The following FHIT variants were observed in gnomAD, a reference collection of about 807,000 sequenced individuals.
FHIT encodes the protein fragile histidine triad diadenosine triphosphatase, also known as bis(5'-adenosyl)-triphosphatase.
FHIT carries 19 observed loss-of-function variants against 17.9 expected under a neutral mutation model. That is an observed-to-expected ratio of 1.06 (90% CI 0.74 to 1.56). The LOEUF is 1.56. FHIT is among the 40% of genes most tolerant of loss of function. FHIT has a pLI of 0.00. For synonymous variants in FHIT, 81 were observed against 69.7 expected, an observed-to-expected ratio of 1.16 and a Z score of -0.81; for missense variants, 248 against 189.2, an observed-to-expected ratio of 1.31 and a Z score of -1.82.
At chr3:60,396,365 A>G (rs1214233429) in intron 5 of FHIT, among the ~76,000 whole-genome samples, 2 of 152,138 alleles carry the variant, frequency 1.3e-5, no homozygotes, top group African/African-American at 4.8e-5. Flanking sequence ...TTGTTTTCTG[A>G]TAAGTTTATG....
intron 5 of FHIT, among the ~76,000 whole-genome samples, chr3:60,288,791 CTTTA>C (rs940720475): frequency 8.6e-5 from 13 of 151,986 alleles, no homozygotes; most frequent in Non-Finnish European, 8.8e-5. Context: ...ATATTTGTTT[CTTTA>C]TTAAGACATT....
rs569840556 is a variant in FHIT at position 59,815,981 on chromosome 3, A to G, written c.349-63660T>C. Among the ~76,000 whole-genome samples the G allele has an allele frequency of 2.0e-5, 3 of 152,376 alleles. No individual in the cohort carries two copies. The South Asian group carries it at 6.2e-4, about 32-fold the overall frequency. On this transcript the variant is annotated intron_variant, in intron 8 of 9. Coordinates refer to ENST00000492590, the MANE Select transcript of FHIT (RefSeq NM_002012.4). ...TATGGAATTCTCTTCAAAGCATAACAGAAAATGTTTTGCCATTTCTGGTTG... is the reference window on the plus strand; with the variant it reads ...TATGGAATTCTCTTCAAAGCATAACGGAAAATGTTTTGCCATTTCTGGTTG...
chr3:59,996,044 C>T (rs1245339251), intron 7 of FHIT, among the ~76,000 whole-genome samples: 2 of 152,016 alleles, frequency 1.3e-5, no homozygotes, highest in Non-Finnish European at 2.9e-5. Flanking sequence ...CCAGTGTTTT[C>T]ATCACAGAAA....
chr3:60,416,523 G>T (rs528086900), intron 5 of FHIT, among the ~76,000 whole-genome samples: 1 of 152,264 alleles, frequency 6.6e-6, no homozygotes, highest in Admixed American at 6.5e-5. Flanking sequence ...ATGCATACAT[G>T]AATTAGCTTG....
At chr3:60,948,975 C>G (rs1165459457) in intron 3 of FHIT, among the ~76,000 whole-genome samples, 4 of 151,974 alleles carry the variant, frequency 2.6e-5, no homozygotes, top group Non-Finnish European at 5.9e-5. Flanking sequence ...AAAATATTCC[C>G]CATAAAAATT....
At chr3:59,972,859 C>A (rs1041313935) in intron 7 of FHIT, among the ~76,000 whole-genome samples, 1 of 152,022 alleles carries the variant, frequency 6.6e-6, no homozygotes, top group East Asian at 1.9e-4. Flanking sequence ...ATTTGCTGGC[C>A]CCTACCTAGT....
chr3:61,059,059 C>G (rs1381372242), intron 2 of FHIT, among the ~76,000 whole-genome samples: 1 of 152,182 alleles, frequency 6.6e-6, no homozygotes, highest in Non-Finnish European at 1.5e-5. Context: ...CCAGGTTCCC[C>G]AATGTCTGGC....
At chr3:60,027,099 TCACACACAGACACACA>T (rs1407301053) in intron 5 of FHIT, among the ~76,000 whole-genome samples, 1 of 126,870 alleles carries the variant, frequency 7.9e-6, no homozygotes, top group East Asian at 2.4e-4. Context: ...TAAGACTGTT[TCACACACAGACACACA>T]CACACACACA....
At chr3:60,028,616 G>A (rs1206253775) in intron 5 of FHIT, among the ~76,000 whole-genome samples, 1 of 152,084 alleles carries the variant, frequency 6.6e-6, no homozygotes, top group Non-Finnish European at 1.5e-5. Context: ...TGAAACACAA[G>A]TGACCAAAAA....
Position 61,011,794 on chromosome 3 carries a change from A to G in FHIT, c.-111+30253T>C, listed in dbSNP as rs1575835237. ...AGAGCAAAGCAAAATGGGAATCTGT[A>G]AAAAATACAATGGCGATGGTGTCTT... On this transcript the variant is annotated intron_variant, in intron 3 of 9. Coordinates refer to ENST00000492590, the MANE Select transcript of FHIT (RefSeq NM_002012.4). Among the ~76,000 whole-genome samples, 3 of 152,254 alleles carry G rather than the reference A, an allele frequency of 2.0e-5. No individual in the cohort carries two copies. In the Middle Eastern group the frequency reaches 0.01, roughly 518 times the overall value.
chr3:60,527,522 A>G (rs553373878), intron 5 of FHIT, among the ~76,000 whole-genome samples: 1 of 152,220 alleles, frequency 6.6e-6, no homozygotes, highest in African/African-American at 2.4e-5. Context: ...GACCCATTTT[A>G]TCTCAGAGCA....
rs930139254 is a variant in FHIT at position 60,903,698 on chromosome 3, T to C, written c.-110-81687A>G. On this transcript the variant is annotated intron_variant, in intron 3 of 9. Transcript: ENST00000492590. ...TGAAGTTGCACTATATCTCTAAACA[T>C]CTGGATTTCAGAGCCAATTTTACAC... Among the ~76,000 whole-genome samples the C allele has an allele frequency of 1.3e-5, 2 of 152,212 alleles. 1 individual carries two copies. Among genetic ancestry groups the C allele is most frequent in the Non-Finnish European group, 2.9e-5 (2 of 68,030 alleles).
chr3:60,822,581 C>T (rs1701965397), intron 3 of FHIT, among the ~76,000 whole-genome samples: 1 of 152,186 alleles, frequency 6.6e-6, no homozygotes, highest in Non-Finnish European at 1.5e-5. Flanking sequence ...AATGTGTTTA[C>T]TACTTCTGTA....
intron 5 of FHIT, among the ~76,000 whole-genome samples, chr3:60,041,937 T>C (rs1290333822): frequency 5.3e-5 from 8 of 152,260 alleles, no homozygotes; most frequent in Non-Finnish European, 1.0e-4. Context: ...CTGAAATATA[T>C]ACTTTGTTTA....
chr3:60,219,541 A>G (rs1703861740), intron 5 of FHIT, among the ~76,000 whole-genome samples: 1 of 152,208 alleles, frequency 6.6e-6, no homozygotes, highest in African/African-American at 2.4e-5. Flanking sequence ...CTTTGAACAT[A>G]GTCAGAATTT....
chr3:61,220,739 C>G (rs1339257699), intron 1 of FHIT, among the ~76,000 whole-genome samples: 1 of 152,126 alleles, frequency 6.6e-6, no homozygotes, highest in Non-Finnish European at 1.5e-5. Flanking sequence ...TATAAGTTTT[C>G]ACTATTACTA....
At chr3:61,177,313 G>A (rs961108095) in intron 2 of FHIT, among the ~76,000 whole-genome samples, 2 of 151,868 alleles carry the variant, frequency 1.3e-5, no homozygotes, top group African/African-American at 2.4e-5. Flanking sequence ...CAAATTGTAT[G>A]AGCTTCCAAC....
intron 1 of FHIT, among the ~76,000 whole-genome samples, chr3:61,214,748 A>T (rs1272260948): frequency 6.6e-6 from 1 of 152,152 alleles, no homozygotes; most frequent in African/African-American, 2.4e-5. Flanking sequence ...CATTGATGCA[A>T]ATATCCTCAA....
chr3:60,373,900 G>A (rs1346459764), intron 5 of FHIT, among the ~76,000 whole-genome samples: 1 of 152,152 alleles, frequency 6.6e-6, no homozygotes, highest in South Asian at 2.1e-4. Context: ...TTTTAGCCTA[G>A]GCACTTGGTT....
Sources: gnomAD v4.1 joint callset for allele counts (sites outside exome capture counted in the v4.1 genomes callset) on GRCh38, gnomAD v4.1.1 for gene constraint, MANE v1.5 for transcripts, NCBI Gene and HGNC (gene_info 2026-07-23, HGNC 2026-07-21) for gene names.